PAPPA: variants seen among roughly 807,000 people sequenced by gnomAD.
The protein encoded by PAPPA is pappalysin-1.
A neutral mutation model predicts 164.0 loss-of-function variants in PAPPA; 60 were observed. The observed-to-expected ratio is 0.37, with a 90% CI of 0.30 to 0.45. PAPPA has a LOEUF of 0.45. Ranked by LOEUF, PAPPA falls within the 20% of genes least tolerant of loss-of-function variation. The probability of loss-of-function intolerance (pLI) is 1.00; values close to 1 mark genes in which losing one functional copy is unlikely to be tolerated. For synonymous variants in PAPPA, 875 were observed against 814.1 expected (o/e 1.07, Z -1.27); for missense variants, 1,782 against 2,087.3 (o/e 0.85, Z 2.85).
At chr9:116,212,592 A>G (rs1170040915) in intron 4 of PAPPA, among the ~76,000 whole-genome samples, 1 of 152,056 alleles carries the variant, frequency 6.6e-6, no homozygotes, top group African/African-American at 2.4e-5. Flanking sequence ...CTGTTACCAT[A>G]CTCAACTTAG....
rs1210426546 is a variant in PAPPA, at chr9:116,330,566, T to G, written c.3148-678T>G. 2.6e-5 allele frequency among the ~76,000 whole-genome samples: 4 copies of G among 152,238 alleles called. No individual in the cohort carries two copies. The East Asian group carries it at 7.7e-4, about 29-fold the overall frequency. On this transcript the variant is annotated intron_variant, in intron 10 of 21. Transcript: ENST00000328252. ...GTTTCCTGTTTCTTTTAATACTGTT[T>G]GGTATTTACTATCATTGAGAATGAA... is the stretch of plus-strand genomic sequence containing the variant.
At chr9:116,306,787 T>C (rs1039238189) in intron 10 of PAPPA, among the ~76,000 whole-genome samples, 2 of 152,144 alleles carry the variant, frequency 1.3e-5, no homozygotes, top group African/African-American at 2.4e-5. Flanking sequence ...TGATATTCCT[T>C]CCTTTTACCC....
intron 21 of PAPPA, among the ~76,000 whole-genome samples, chr9:116,390,988 A>C (rs568184963): frequency 1.0e-3 from 153 of 152,274 alleles, no homozygotes; most frequent in African/African-American, 3.5e-3. Context: ...TAGGACTGTT[A>C]GTACCTCCTT....
Position 116,379,495 on chromosome 9 carries a change from G to T in PAPPA, c.4677+1848G>T, listed in dbSNP as rs10513276. 0.012 allele frequency among the ~76,000 whole-genome samples: 1,833 copies of T among 152,182 alleles called. 159 individuals carry two copies. The South Asian group carries it at 0.17, about 14-fold the overall frequency. The stretch of plus-strand genomic sequence containing the variant: ...CATTGGTGTTAGTCCAGTGAAAATA[G>T]TAACTATGCTCTCCTTGAGTCATCT... On this transcript the variant is annotated intron_variant, in intron 20 of 21. Transcript: ENST00000328252.
intron 12 of PAPPA, 193 bp downstream of exon 12, chr9:116,332,661 G>C (rs552202223): frequency 3.8e-6 from 2 of 527,492 alleles, no homozygotes; most frequent in African/African-American, 3.8e-5. Flanking sequence ...AGATCTGGCA[G>C]ATACAGGGAT....
intron 7 of PAPPA, among the ~76,000 whole-genome samples, chr9:116,252,692 C>T (rs1844873782): frequency 6.6e-6 from 1 of 152,222 alleles, no homozygotes; most frequent in African/African-American, 2.4e-5. Context: ...GCGTTTACAA[C>T]AGTGATTCTC....
intron 7 of PAPPA, among the ~76,000 whole-genome samples, chr9:116,245,174 G>A (rs1218097034): frequency 1.3e-5 from 2 of 151,896 alleles, no homozygotes; most frequent in South Asian, 2.1e-4. Context: ...GGGAATGGAA[G>A]GGGGTGGATG....
intron 2 of PAPPA, among the ~76,000 whole-genome samples, chr9:116,203,733 A>G (rs1204413096): frequency 6.6e-6 from 1 of 152,184 alleles, no homozygotes; most frequent in African/African-American, 2.4e-5. Context: ...GGTCATCATC[A>G]TCCCTACTCT....
intron 7 of PAPPA, among the ~76,000 whole-genome samples, chr9:116,247,347 T>C (rs1290441364): frequency 6.6e-6 from 1 of 152,204 alleles, no homozygotes; most frequent in Non-Finnish European, 1.5e-5. Context: ...ATTGTGAGGC[T>C]CCCAGAGGTT....
chr9:116,175,350 C>T (rs1039685413), intron 1 of PAPPA, among the ~76,000 whole-genome samples: 1 of 152,156 alleles, frequency 6.6e-6, no homozygotes, highest in African/African-American at 2.4e-5. Flanking sequence ...CTATTGCACA[C>T]TTGAAAATTG....
intron 14 of PAPPA, among the ~76,000 whole-genome samples, chr9:116,346,520 T>C (rs111731928): frequency 0.014 from 2,193 of 152,264 alleles, 50 homozygotes; most frequent in African/African-American, 0.05. Context: ...CCTATAGCCA[T>C]GGAGAGTGCC....
intron 5 of PAPPA, among the ~76,000 whole-genome samples, chr9:116,221,545 G>C (rs979480024): frequency 1.4e-4 from 21 of 152,126 alleles, no homozygotes; most frequent in African/African-American, 4.8e-4. Flanking sequence ...TCATCTGCTA[G>C]ATAAAAAGAG....
At position 116,334,991 on chromosome 9, in the gene PAPPA, G is replaced by C. The variant is rs982431450; in HGVS notation, c.3528G>C (p.Val1176=). Reference sequence around the variant, plus strand: ...CGCCCCTGGTCGCCATCTCGGGGGTGGCCCTCCGTTCCTTCGACAACTTTG... The same window carrying C: ...CGCCCCTGGTCGCCATCTCGGGGGTCGCCCTCCGTTCCTTCGACAACTTTG... ...FSSPLVAISG[V]ALRSFDNFDP... is the part of the protein sequence containing the mutation. The change falls in exon 13 of 22, where the codon GTG becomes GTC. Residue 1176 remains valine (V), a synonymous_variant. Coordinates refer to ENST00000328252, the MANE Select transcript of PAPPA (RefSeq NM_002581.5). 6.2e-7 allele frequency: 1 copy of C among 1,611,780 alleles called. No homozygotes were observed. The highest frequency in any genetic ancestry group is 8.5e-7 in the Non-Finnish European group (1 of 1,179,332).
chr9:116,177,127 C>T (rs1033224662), intron 1 of PAPPA, among the ~76,000 whole-genome samples: 4 of 152,154 alleles, frequency 2.6e-5, no homozygotes, highest in African/African-American at 9.7e-5. Flanking sequence ...TTTGGTTTTA[C>T]TTTCCTCACA....
chr9:116,315,309 T>C (rs1315472378), intron 10 of PAPPA, among the ~76,000 whole-genome samples: 2 of 152,152 alleles, frequency 1.3e-5, no homozygotes, highest in Non-Finnish European at 2.9e-5. Context: ...CTCATGTTCT[T>C]TCTGCTACTC....
chr9:116,298,699 G>A (rs1845541161), intron 9 of PAPPA, among the ~76,000 whole-genome samples: 1 of 152,200 alleles, frequency 6.6e-6, no homozygotes, highest in South Asian at 2.1e-4. Context: ...AATATTTATT[G>A]AAAGTGTATT....
rs1172230936 is a variant in PAPPA at position 116,187,947 on chromosome 9, C to T, written c.1209C>T (p.Ser403=). 6.2e-7 allele frequency: 1 copy of T among 1,614,154 alleles called. No individual in the cohort carries two copies. Among genetic ancestry groups the T allele is most frequent in the Non-Finnish European group, 8.5e-7 (1 of 1,180,036 alleles). The change falls in exon 2 of 22, where the codon TCC becomes TCT. Residue 403 remains serine (S), a synonymous_variant. Coordinates refer to ENST00000328252, the MANE Select transcript of PAPPA (RefSeq NM_002581.5). This position sits in a 1 kb window ranked among gnomAD's most constrained non-coding sequence, Gnocchi z 4.2. Reference sequence around the variant, plus strand: ...TGGACGTGCTGGAGGTGAGCAACTCCTCCCTTCGCCGCCGCCTCATCCTGG... The same window carrying T: ...TGGACGTGCTGGAGGTGAGCAACTCTTCCCTTCGCCGCCGCCTCATCCTGG... ...WELDVLEVSN[S]SLRRRLILAN...
At chr9:116,181,181 C>G (rs1302602928) in intron 1 of PAPPA, among the ~76,000 whole-genome samples, 1 of 152,158 alleles carries the variant, frequency 6.6e-6, no homozygotes, top group African/African-American at 2.4e-5. Context: ...GCTTAGAAAA[C>G]TTGTTGAATG....
Position 116,396,862 on chromosome 9 carries a change from A to G in PAPPA, c.*246A>G. 3.8e-6 allele frequency: 2 copies of G among 525,190 alleles called. No homozygotes were observed. Among genetic ancestry groups the G allele is most frequent in the East Asian group, 6.2e-5 (2 of 32,342 alleles). The allele number at this position is 525,190 out of a possible 1,614,324, so 32.5% of individuals were successfully genotyped here. On this transcript the variant is annotated 3_prime_UTR_variant, in exon 22 of 22. Coordinates refer to ENST00000328252, the MANE Select transcript of PAPPA (RefSeq NM_002581.5). ...GAGATGGATTGCATATACAGTGTGC[A>G]GTCCCAGAGCCTCCTAAAATTCTAG...
Sources: allele counts gnomAD v4.1 joint callset (sites outside exome capture counted in the v4.1 genomes callset), GRCh38; gene constraint gnomAD v4.1.1; non-coding constraint Gnocchi (gnomAD v3.1); transcripts MANE v1.5; gene names NCBI Gene and HGNC (gene_info 2026-07-23, HGNC 2026-07-21).